Variants in RBFOX2 observed in about 807,000 individuals in gnomAD.
RBFOX2 encodes RNA binding protein fox-1 homolog 2.
RBFOX2 carries 10 observed loss-of-function variants against 49.1 expected under a neutral mutation model. The ratio of observed to expected loss-of-function variants is 0.20; its 90% CI spans 0.13 to 0.35. The LOEUF is 0.35. RBFOX2 is among the 10% of genes least tolerant of loss of function. The pLI, the probability that RBFOX2 is intolerant of heterozygous loss-of-function variation, is 1.00. For missense variants in RBFOX2, 323 were observed against 486.9 expected (o/e 0.66, Z 3.17); for synonymous variants, 183 against 187.4 (o/e 0.98, Z 0.19).
chr22:36,025,481 GT>G (rs1363449835), intron 1 of RBFOX2, among the ~76,000 whole-genome samples: 1 of 151,886 alleles, frequency 6.6e-6, no homozygotes, highest in Non-Finnish European at 1.5e-5. Context: ...TTCAATATTA[GT>G]TCCATGACAG....
intron 3 of RBFOX2, among the ~76,000 whole-genome samples, chr22:35,780,314 T>C (rs1944859029): frequency 6.7e-6 from 1 of 148,750 alleles, no homozygotes. Flanking sequence ...TCTGCTTTTC[T>C]AATAAAGTAC....
chr22:35,900,247 G>A (rs1486602661), intron 1 of RBFOX2, among the ~76,000 whole-genome samples: 2 of 152,118 alleles, frequency 1.3e-5, no homozygotes, highest in African/African-American at 4.8e-5. Flanking sequence ...CCAAGTGGCT[G>A]GGATTACAGG....
At chr22:36,002,856 C>A (rs1275106213) in intron 1 of RBFOX2, among the ~76,000 whole-genome samples, 1 of 152,246 alleles carries the variant, frequency 6.6e-6, no homozygotes, top group African/African-American at 2.4e-5. Flanking sequence ...AAACTTCTGA[C>A]CTCAGATGAT....
intron 1 of RBFOX2, among the ~76,000 whole-genome samples, chr22:35,887,188 G>T (rs767103237): frequency 1.3e-5 from 2 of 152,114 alleles, no homozygotes; most frequent in Admixed American, 1.3e-4. Flanking sequence ...TAGTAAAGGC[G>T]GCTTTCCTAA....
At chr22:36,004,794 C>G (rs2058559154) in intron 1 of RBFOX2, among the ~76,000 whole-genome samples, 1 of 151,288 alleles carries the variant, frequency 6.6e-6, no homozygotes. Context: ...GAAACTCTGT[C>G]TCAAAAAAAA....
At chr22:35,821,998 C>A (rs1047619481) in intron 1 of RBFOX2, 1 of 517,424 alleles carries the variant, frequency 1.9e-6, no homozygotes, top group Non-Finnish European at 3.9e-6. Flanking sequence ...CTGAAGACTT[C>A]CAGTAAAACC....
Position 35,749,067 on chromosome 22 carries a change from T to G in RBFOX2, c.888-2506A>C. On this transcript the variant is annotated intron_variant, in intron 9 of 11. Transcript: ENST00000405409. This position sits in a 1 kb window ranked among gnomAD's most constrained non-coding sequence, Gnocchi z 4.1. ...GGTTTAGGAGTAATGTTACTGCTAA[T>G]CAAAACAATTCAAATGGATCAGACT... is the stretch of plus-strand genomic sequence containing the variant. Among the ~76,000 whole-genome samples, 1 of 152,234 alleles carries G rather than the reference T, an allele frequency of 6.6e-6. No homozygotes were observed. The highest frequency in any genetic ancestry group is 1.9e-4 in the East Asian group (1 of 5,200).
chr22:35,950,739 T>C (rs2149838524), intron 1 of RBFOX2, among the ~76,000 whole-genome samples: 1 of 152,174 alleles, frequency 6.6e-6, no homozygotes, highest in East Asian at 1.9e-4. Context: ...AGGAAGTGTT[T>C]GGTGGTATTG....
At chr22:35,880,290 T>C (rs1458314261) in intron 1 of RBFOX2, among the ~76,000 whole-genome samples, 2 of 152,094 alleles carry the variant, frequency 1.3e-5, no homozygotes, top group Non-Finnish European at 2.9e-5. Context: ...TTTTTTTAGC[T>C]CAAGTAACAG....
intron 3 of RBFOX2, among the ~76,000 whole-genome samples, chr22:35,778,373 T>G (rs1243382791): frequency 6.6e-6 from 1 of 152,140 alleles, no homozygotes; most frequent in East Asian, 1.9e-4. Context: ...CATCTCTTAG[T>G]TTTTAGAACA....
chr22:35,805,095 G>A (rs1950468788), intron 2 of RBFOX2, among the ~76,000 whole-genome samples: 1 of 151,936 alleles, frequency 6.6e-6, no homozygotes, highest in Non-Finnish European at 1.5e-5. Flanking sequence ...AGACCATCCT[G>A]GCTAACACAG....
intron 1 of RBFOX2, among the ~76,000 whole-genome samples, chr22:35,955,525 T>A (rs2055440188): frequency 7.4e-6 from 1 of 134,684 alleles, no homozygotes; most frequent in African/African-American, 2.8e-5. Context: ...ACTGGTTTCA[T>A]GGGAGATAAT....
At chr22:35,821,796 C>T (rs1954576819) in intron 1 of RBFOX2, 1 of 518,684 alleles carries the variant, frequency 1.9e-6, no homozygotes, top group Non-Finnish European at 3.8e-6. Flanking sequence ...CACACCTGAT[C>T]TACCCATAGG....
chr22:35,750,188 C>T (rs774207401), intron 9 of RBFOX2, among the ~76,000 whole-genome samples: 1 of 152,072 alleles, frequency 6.6e-6, no homozygotes, highest in Non-Finnish European at 1.5e-5. Flanking sequence ...AGTAACCCAT[C>T]TGTTATATCA....
intron 3 of RBFOX2, among the ~76,000 whole-genome samples, chr22:35,780,916 G>C (rs1023140638): frequency 5.3e-5 from 8 of 152,200 alleles, no homozygotes; most frequent in South Asian, 2.1e-4. Flanking sequence ...TAAGTAGAGA[G>C]TGGCAATAAC....
At chr22:35,859,477 CA>C (rs775180489) in intron 1 of RBFOX2, among the ~76,000 whole-genome samples, 3 of 152,138 alleles carry the variant, frequency 2.0e-5, no homozygotes, top group Non-Finnish European at 4.4e-5. Flanking sequence ...AGGCTTTCTA[CA>C]CCAATGGAAA....
chr22:35,794,561 G>C (rs1294014478), intron 2 of RBFOX2, among the ~76,000 whole-genome samples: 1 of 151,994 alleles, frequency 6.6e-6, no homozygotes, highest in Admixed American at 6.6e-5. Context: ...AGGAGGCTGA[G>C]GCAAGAGAAT....
chr22:36,012,738 T>C (rs185934996), intron 1 of RBFOX2, among the ~76,000 whole-genome samples: 3 of 152,070 alleles, frequency 2.0e-5, no homozygotes, highest in Non-Finnish European at 1.5e-5. Context: ...CTAATATATC[T>C]TTTTCAACAA....
chr22:35,810,072 A>C, intron 1 of RBFOX2, 68 bp from the exon 3 acceptor site: 1 of 1,470,782 alleles, frequency 6.8e-7, no homozygotes, highest in Non-Finnish European at 9.4e-7. Flanking sequence ...TTTTAAAGTG[A>C]GTATATGGAA....
Sources: gnomAD v4.1 joint callset for allele counts (sites outside exome capture counted in the v4.1 genomes callset) on GRCh38, gnomAD v4.1.1 for gene constraint, Gnocchi (gnomAD v3.1) non-coding constraint, MANE v1.5 for transcripts, NCBI Gene and HGNC (gene_info 2026-07-23, HGNC 2026-07-21) for gene names.